The following PIBF1 variants were observed in gnomAD, a reference collection of about 807,000 sequenced individuals.
PIBF1 encodes progesterone immunomodulatory binding factor 1, also known as progesterone-induced-blocking factor 1.
Under a neutral mutation model 112.5 loss-of-function variants are expected in PIBF1, and 90 were observed. The ratio of observed to expected loss-of-function variants is 0.80; its 90% CI spans 0.67 to 0.95. The LOEUF is 0.95. PIBF1 is among the 40% of genes least tolerant of loss of function. The pLI is 0.00. For synonymous variants in PIBF1, 301 were observed against 288.6 expected (o/e 1.04, Z -0.44); for missense variants, 915 against 852.3 (o/e 1.07, Z -0.92).
At chr13:72,886,336 G>A (rs982374823) in intron 10 of PIBF1, among the ~76,000 whole-genome samples, 2 of 151,794 alleles carry the variant, frequency 1.3e-5, no homozygotes, top group Admixed American at 6.6e-5. Flanking sequence ...AATACTCTTG[G>A]TTCGGAGGAT....
At chr13:72,832,072 C>CTTTTTTTTTTTTTTTTT (rs754794968) in intron 8 of PIBF1, among the ~76,000 whole-genome samples, 2 of 42,864 alleles carry the variant, frequency 4.7e-5, no homozygotes, top group African/African-American at 1.4e-4. Flanking sequence ...CAATTCCGGC[C>CTTTTTTTTTTTTTTTTT]TTTTTTTTTT....
intron 9 of PIBF1, among the ~76,000 whole-genome samples, chr13:72,840,928 C>T (rs921427732): frequency 9.2e-5 from 14 of 152,138 alleles, no homozygotes; most frequent in African/African-American, 3.4e-4. Flanking sequence ...GATACTTTTT[C>T]TTTTCTCTTC....
intron 2 of PIBF1, among the ~76,000 whole-genome samples, chr13:72,784,292 A>AAT (rs1566263591): frequency 6.0e-5 from 9 of 151,058 alleles, no homozygotes; most frequent in African/African-American, 2.2e-4. Flanking sequence ...AAAAAAAAAA[A>AAT]AAAATTAGCC....
At chr13:72,892,816 G>GCA (rs1486695220) in intron 10 of PIBF1, among the ~76,000 whole-genome samples, 8 of 71,336 alleles carry the variant, frequency 1.1e-4, no homozygotes, top group East Asian at 9.0e-4. Context: ...ACACGCACAC[G>GCA]CACACACACC....
At chr13:72,834,052 C>T (rs1300667482) in intron 8 of PIBF1, among the ~76,000 whole-genome samples, 3 of 151,960 alleles carry the variant, frequency 2.0e-5, no homozygotes, top group Non-Finnish European at 1.5e-5. Context: ...TTTTAAATTC[C>T]TATGACTAAT....
At chr13:72,869,258 C>T (rs1473350085) in intron 10 of PIBF1, among the ~76,000 whole-genome samples, 4 of 152,046 alleles carry the variant, frequency 2.6e-5, no homozygotes, top group Non-Finnish European at 4.4e-5. Context: ...AAGTGTGGCA[C>T]GTGTACACCA....
In PIBF1 at chr13:72,967,271, T is replaced by C. The variant is rs538943372; in HGVS notation, c.1964+1867T>C. Among the ~76,000 whole-genome samples the C allele has an allele frequency of 1.2e-4, 19 of 152,258 alleles. No individual in the cohort carries two copies. The South Asian group carries it at 3.3e-3, about 27-fold the overall frequency. ...TCTTTTATATGTCTTATTTTACCAT[T>C]ATTTCTTGTGATGAGGAGGTATATA... is the stretch of plus-strand genomic sequence containing the variant. On this transcript the variant is annotated intron_variant, in intron 15 of 17. Coordinates refer to ENST00000326291, the MANE Select transcript of PIBF1 (RefSeq NM_006346.4).
At chr13:72,993,475 A>G (rs912063839) in intron 16 of PIBF1, among the ~76,000 whole-genome samples, 3 of 152,222 alleles carry the variant, frequency 2.0e-5, no homozygotes, top group African/African-American at 7.2e-5. Flanking sequence ...AGGTAAAAAG[A>G]TGGAAAGCCA....
At chr13:72,883,126 A>G (rs534712744) in intron 10 of PIBF1, among the ~76,000 whole-genome samples, 1 of 152,326 alleles carries the variant, frequency 6.6e-6, no homozygotes, top group South Asian at 2.1e-4. Flanking sequence ...AATGTGGTAC[A>G]TATACATAAT....
At chr13:72,973,249 C>G (rs1040484928) in intron 15 of PIBF1, among the ~76,000 whole-genome samples, 1 of 149,572 alleles carries the variant, frequency 6.7e-6, no homozygotes, top group Non-Finnish European at 1.5e-5. Context: ...AGCCACTGCA[C>G]TCCAGCCTGG....
chr13:72,858,026 TGTGTGTG>T (rs1566366971), intron 10 of PIBF1, among the ~76,000 whole-genome samples: 2 of 1,858 alleles, frequency 1.1e-3, no homozygotes, highest in African/African-American at 2.8e-3. Flanking sequence ...ATGTACATTG[TGTGTGTG>T]TGTGTGTGTG....
chr13:72,945,362 A>G (rs139533385), intron 14 of PIBF1, among the ~76,000 whole-genome samples: 12 of 152,190 alleles, frequency 7.9e-5, no homozygotes, highest in Non-Finnish European at 1.5e-5. Context: ...ATGTGAGTGC[A>G]TGTGTTTGGT....
chr13:72,848,831 C>CAA (rs1250173775), intron 9 of PIBF1, among the ~76,000 whole-genome samples: 4 of 93,876 alleles, frequency 4.3e-5, no homozygotes, highest in African/African-American at 8.5e-5. Context: ...GACTCCGTCT[C>CAA]AAAAAAAAAA....
chr13:72,813,974 T>C (rs1435476424), intron 5 of PIBF1, among the ~76,000 whole-genome samples: 2 of 152,132 alleles, frequency 1.3e-5, no homozygotes, highest in Non-Finnish European at 2.9e-5. Flanking sequence ...ATCTATGGAT[T>C]ACTCCCTTCA....
intron 9 of PIBF1, among the ~76,000 whole-genome samples, chr13:72,838,221 G>C (rs2037446929): frequency 6.6e-6 from 1 of 152,160 alleles, no homozygotes; most frequent in African/African-American, 2.4e-5. Context: ...GGTGACCTTT[G>C]TCTTCACAAA....
intron 16 of PIBF1, chr13:72,974,035 A>C (rs924630545): frequency 3.7e-6 from 1 of 267,024 alleles, no homozygotes; most frequent in Admixed American, 5.3e-5. Flanking sequence ...GTTGAGCTTT[A>C]AAGTTCATAA....
At chr13:72,935,906 GTAT>G (rs1018401809) in intron 14 of PIBF1, among the ~76,000 whole-genome samples, 8 of 151,726 alleles carry the variant, frequency 5.3e-5, no homozygotes, top group African/African-American at 1.9e-4. Context: ...TGAGTTTTGA[GTAT>G]TATTTATATA....
At chr13:72,986,983 G>T (rs987864430) in intron 16 of PIBF1, among the ~76,000 whole-genome samples, 1 of 152,098 alleles carries the variant, frequency 6.6e-6, no homozygotes, top group African/African-American at 2.4e-5. Flanking sequence ...GAGCCACCGC[G>T]CCCGGCCTCT....
intron 14 of PIBF1, among the ~76,000 whole-genome samples, chr13:72,955,609 A>G (rs2042424736): frequency 1.3e-5 from 2 of 152,178 alleles, no homozygotes; most frequent in Admixed American, 1.3e-4. Context: ...ATACACACAC[A>G]TACATACACA....
Sources: allele counts gnomAD v4.1 joint callset (sites outside exome capture counted in the v4.1 genomes callset), GRCh38; gene constraint gnomAD v4.1.1; transcripts MANE v1.5; gene names NCBI Gene and HGNC (gene_info 2026-07-23, HGNC 2026-07-21).